DHTKD1: variants seen among roughly 807,000 people sequenced by gnomAD.
DHTKD1 encodes dehydrogenase E1 and transketolase domain containing 1, also known as 2-oxoadipate dehydrogenase complex component E1.
Under a neutral mutation model 101.8 loss-of-function variants are expected in DHTKD1, and 78 were observed. That is an observed-to-expected ratio of 0.77 (90% CI 0.64 to 0.93). The LOEUF is 0.93. Ranked by LOEUF, DHTKD1 falls within the 40% of genes least tolerant of loss-of-function variation. The pLI, the probability that DHTKD1 is intolerant of heterozygous loss-of-function variation, is 0.00. For missense variants in DHTKD1, 1,223 were observed against 1,161.7 expected, an observed-to-expected ratio of 1.05 and a Z score of -0.77; for synonymous variants, 462 against 450.3, an observed-to-expected ratio of 1.03 and a Z score of -0.33.
At chr10:12,084,405 C>G (rs1832869188) in intron 2 of DHTKD1, 135 bp from the exon 3 acceptor site, 2 of 603,198 alleles carry the variant, frequency 3.3e-6, no homozygotes, top group Middle Eastern at 4.4e-4. Flanking sequence ...AAAACAATGC[C>G]TTCAATTAAA....
chr10:12,104,045 G>C (rs895793370), intron 10 of DHTKD1, among the ~76,000 whole-genome samples: 1 of 151,954 alleles, frequency 6.6e-6, no homozygotes, highest in South Asian at 2.1e-4. Flanking sequence ...CTCATCGACT[G>C]TTTGTTTCTA....
Position 12,069,290 on chromosome 10 carries a change from C to T in DHTKD1, c.154+103C>T, listed in dbSNP as rs532508621. Reference sequence around the variant, plus strand: ...CGGGGTCGGGGAACCGGCTGCCGGCCTGAACGCGCGGCCGGTGGGGAGGAG... The same window carrying T: ...CGGGGTCGGGGAACCGGCTGCCGGCTTGAACGCGCGGCCGGTGGGGAGGAG... On this transcript the variant is annotated intron_variant, in intron 1 of 16. Coordinates refer to ENST00000263035, the MANE Select transcript of DHTKD1 (RefSeq NM_018706.7). 171 of 638,106 alleles carry T rather than the reference C, an allele frequency of 2.7e-4. No homozygotes were observed. In the African/African-American group the frequency reaches 2.9e-3, roughly 11 times the overall value. The allele number at this position is 638,106 out of a possible 1,614,324, so 39.5% of individuals were successfully genotyped here.
chr10:12,084,522 TTTGA>T lies in DHTKD1; in HGVS notation c.311-14_311-11del. On this transcript the variant is annotated splice_polypyrimidine_tract_variant and intron_variant, in intron 2 of 16. Transcript: ENST00000263035. The stretch of plus-strand genomic sequence containing the variant: ...CATGATTATTTTTTAAGATGACCCC[TTTGA>T]TTGTATTTCACAGGATTATTGAACA... 6.7e-7 allele frequency: 1 copy of T among 1,497,376 alleles called. No homozygotes were observed. The highest frequency in any genetic ancestry group is 9.3e-7 in the Non-Finnish European group (1 of 1,074,112). The allele number at this position is 1,497,376 out of a possible 1,614,324, so 92.8% of individuals were successfully genotyped here. A position where few individuals can be genotyped will look rare whatever the true frequency, so the allele number is the denominator to read the frequency against.
chr10:12,121,238 A>AAAAC lies in DHTKD1; in HGVS notation c.*350_*351insAAAC. 4.5e-6 allele frequency: 1 copy of AAAAC among 224,084 alleles called. No individual in the cohort carries two copies. The highest frequency in any genetic ancestry group is 5.2e-5 in the Admixed American group (1 of 19,292). 13.9% of individuals were successfully genotyped at this position (224,084 alleles called of 1,614,324 possible). ...GCGTTTCAAAAAAAAAAAAAAAAAA[A>AAAAC]CCCATTAAAAGAGGCCTCCTTCCTC... On this transcript the variant is annotated 3_prime_UTR_variant, in exon 17 of 17. Transcript: ENST00000263035.
At chr10:12,120,357 A>G (rs1419144729) in intron 16 of DHTKD1, 90 bp downstream of exon 16, 44 of 1,130,058 alleles carry the variant, frequency 3.9e-5, no homozygotes, top group East Asian at 1.2e-4. Flanking sequence ...TTTTTGAGAC[A>G]GAGTCTCACT....
rs1325648682 is a variant in DHTKD1, at chr10:12,103,019, T to G, written c.1896+1838T>G. ...AGGCAGATCACTTGAGGCCAGGAGT[T>G]CAACACTGGCCTGGCCAACATGGCG... On this transcript the variant is annotated intron_variant, in intron 10 of 16. Coordinates refer to ENST00000263035, the MANE Select transcript of DHTKD1 (RefSeq NM_018706.7). The surrounding 1 kb of genome is among the most constrained non-coding windows in gnomAD (Gnocchi z 4.8). Among the ~76,000 whole-genome samples, 1 of 152,204 alleles carries G rather than the reference T, an allele frequency of 6.6e-6. No individual in the cohort carries two copies. The highest frequency in any genetic ancestry group is 6.5e-5 in the Admixed American group (1 of 15,282).
rs1833524579 is a variant in DHTKD1 at position 12,121,274 on chromosome 10, AC to A, written c.*390del. ...GAGGCCTCCTTCCTCCACTCTCTCA[AC>A]CCCTCTGTTGGGTAACATGAAAAGA... On this transcript the variant is annotated 3_prime_UTR_variant, in exon 17 of 17. Transcript: ENST00000263035. 4.8e-6 allele frequency: 1 copy of A among 206,838 alleles called. No individual in the cohort carries two copies. The highest frequency in any genetic ancestry group is 2.3e-5 in the African/African-American group (1 of 43,520). 12.8% of individuals were successfully genotyped at this position (206,838 alleles called of 1,614,324 possible). A position where few individuals can be genotyped will look rare whatever the true frequency, so the allele number is the denominator to read the frequency against.
rs1833203631 is a variant in DHTKD1, at chr10:12,103,538, A to G, written c.1896+2357A>G. 8.3e-6 allele frequency among the ~76,000 whole-genome samples: 1 copy of G among 120,418 alleles called. No individual in the cohort carries two copies. The highest frequency in any genetic ancestry group is 2.9e-5 in the African/African-American group (1 of 34,120). 79.0% of individuals were successfully genotyped at this position (120,418 alleles called of 152,430 possible). ...GTGTGTGTGTGTGTGTATGTATGTG[A>G]CAGGTCCTCCTCTGTTGCCTAGGCT... On this transcript the variant is annotated intron_variant, in intron 10 of 16. Transcript: ENST00000263035. This position sits in a 1 kb window ranked among gnomAD's most constrained non-coding sequence, Gnocchi z 4.8.
At chr10:12,098,675 C>A (rs1490426491) in intron 8 of DHTKD1, among the ~76,000 whole-genome samples, 1 of 152,300 alleles carries the variant, frequency 6.6e-6, no homozygotes, top group African/African-American at 2.4e-5. Flanking sequence ...AACGATTCTC[C>A]TGCCTCAGCC....
intron 1 of DHTKD1, 85 bp from the exon 2 acceptor site, chr10:12,081,387 G>A (rs923432755): frequency 1.6e-5 from 19 of 1,171,754 alleles, no homozygotes; most frequent in Non-Finnish European, 2.4e-5. Flanking sequence ...GTCTAGGGCT[G>A]TAAGAGCTTC....
chr10:12,100,789 A>G (rs1453062298), intron 9 of DHTKD1, among the ~76,000 whole-genome samples: 1 of 152,178 alleles, frequency 6.6e-6, no homozygotes, highest in Admixed American at 6.6e-5. Context: ...TGCCTGGGAA[A>G]CAAAGGGCTA....
rs576167618 is a variant in DHTKD1 at position 12,092,493 on chromosome 10, A to C, written c.1159+809A>C. On this transcript the variant is annotated intron_variant, in intron 6 of 16. Transcript: ENST00000263035. Reference sequence around the variant, plus strand: ...ATGTGTTCAACCACTAAACTTGGTGAAATAGTATAGTTAGAAATAAGATGT... The same window carrying C: ...ATGTGTTCAACCACTAAACTTGGTGCAATAGTATAGTTAGAAATAAGATGT... 6.6e-5 allele frequency among the ~76,000 whole-genome samples: 10 copies of C among 152,162 alleles called. No homozygotes were observed. In the East Asian group the frequency reaches 1.7e-3, roughly 27 times the overall value.
At position 12,069,077 on chromosome 10, in the gene DHTKD1, G is replaced by A; in HGVS notation, c.44G>A (p.Arg15Gln). ...TAAAARRGLGRALPLFWRGYQ... is the reference protein window; with the variant it reads ...TAAAARRGLGQALPLFWRGYQ... ...GCAGCAGCACGACGGGGCCTCGGCCGGGCTCTCCCTCTCTTCTGGCGTGGC... is the reference window on the plus strand; with the variant it reads ...GCAGCAGCACGACGGGGCCTCGGCCAGGCTCTCCCTCTCTTCTGGCGTGGC... Residue 15 changes from arginine (R) to glutamine (Q), a missense_variant, in exon 1 of 17, where the codon CGG becomes CAG. By Grantham distance (43) the Arg-to-Gln change is conservative. Coordinates refer to ENST00000263035, the MANE Select transcript of DHTKD1 (RefSeq NM_018706.7). The A allele has an allele frequency of 6.2e-7, 1 of 1,612,910 alleles. No homozygotes were observed. The highest frequency in any genetic ancestry group is 1.1e-5 in the South Asian group (1 of 91,042).
At chr10:12,088,022 AG>A (rs1202531448) in intron 4 of DHTKD1, among the ~76,000 whole-genome samples, 1 of 152,238 alleles carries the variant, frequency 6.6e-6, no homozygotes, top group Non-Finnish European at 1.5e-5. Flanking sequence ...CTGAGGCCAG[AG>A]GATCACTTGA....
intron 5 of DHTKD1, among the ~76,000 whole-genome samples, chr10:12,090,296 C>T (rs955789111): frequency 4.6e-5 from 7 of 152,130 alleles, no homozygotes; most frequent in African/African-American, 1.4e-4. Flanking sequence ...TTTTCACAGG[C>T]CAGAAACTTG....
intron 13 of DHTKD1, among the ~76,000 whole-genome samples, chr10:12,115,348 C>T (rs373575942): frequency 2.0e-5 from 3 of 152,160 alleles, no homozygotes; most frequent in African/African-American, 7.2e-5. Context: ...TGGGCTGACT[C>T]GGCCTCCCAA....
rs778924056 is a variant in DHTKD1, at chr10:12,091,615, G to A, written c.1090G>A (p.Val364Ile). Residue 364 changes from valine (V) to isoleucine (I), a missense_variant, in exon 6 of 17, where the codon GTT becomes ATT. Physicochemically the swap from Val to Ile is conservative, Grantham distance 29. Coordinates refer to ENST00000263035, the MANE Select transcript of DHTKD1 (RefSeq NM_018706.7). ...FRIGGSVHLI[V>I]NNQLGYTTPA... ...AATTGGTGGGAGTGTGCATTTGATT[G>A]TTAATAACCAGCTGGGTTACACCAC... 1 of 1,613,754 alleles carries A rather than the reference G, an allele frequency of 6.2e-7. No individual in the cohort carries two copies.
chr10:12,115,139 G>A (rs1268759892), intron 13 of DHTKD1, among the ~76,000 whole-genome samples: 2 of 151,176 alleles, frequency 1.3e-5, no homozygotes. Context: ...TGTTGCCCAG[G>A]CTGGAGTGGA....
intron 13 of DHTKD1, among the ~76,000 whole-genome samples, chr10:12,113,279 C>G (rs1833365043): frequency 6.6e-6 from 1 of 152,114 alleles, no homozygotes; most frequent in Non-Finnish European, 1.5e-5. Flanking sequence ...CCCGTTGCAA[C>G]CTCTGACTCC....
Sources: gnomAD v4.1 joint callset for allele counts (sites outside exome capture counted in the v4.1 genomes callset) on GRCh38, gnomAD v4.1.1 for gene constraint, Gnocchi (gnomAD v3.1) non-coding constraint, MANE v1.5 for transcripts, NCBI Gene and HGNC (gene_info 2026-07-23, HGNC 2026-07-21) for gene names.